Variants in ADGRV1 observed in about 807,000 individuals in gnomAD.
The protein encoded by ADGRV1 is adhesion G protein-coupled receptor V1, also known as G-protein coupled receptor 98.
ADGRV1 carries 359 observed loss-of-function variants against 596.2 expected under a neutral mutation model. The observed-to-expected ratio is 0.60, with a 90% confidence interval of 0.55 to 0.66. The LOEUF (loss-of-function observed/expected upper bound fraction) is 0.66, where lower values mean the gene tolerates loss of function less well. Among genes scored for constraint, ADGRV1 ranks in the 30% least tolerant of loss-of-function variants. The pLI, the probability that ADGRV1 is intolerant of heterozygous loss-of-function variation, is 0.00. For synonymous variants in ADGRV1, 2,681 were observed against 2,679.2 expected, an observed-to-expected ratio of 1.00 and a Z score of -0.02; for missense variants, 7,274 against 7,575.6, an observed-to-expected ratio of 0.96 and a Z score of 1.48.
intron 83 of ADGRV1, among the ~76,000 whole-genome samples, chr5:90,943,438 G>A (rs563467853): frequency 1.3e-5 from 2 of 152,160 alleles, no homozygotes; most frequent in South Asian, 4.1e-4. Context: ...GGCACAAGCT[G>A]TGTTCCCTGA....
intron 87 of ADGRV1, among the ~76,000 whole-genome samples, chr5:91,147,964 G>A (rs566867938): frequency 6.6e-6 from 1 of 152,310 alleles, no homozygotes; most frequent in South Asian, 2.1e-4. Flanking sequence ...CAAGGAACTT[G>A]TTGGGAACTG....
intron 68 of ADGRV1, among the ~76,000 whole-genome samples, chr5:90,789,057 A>G (rs1293182194): frequency 6.6e-6 from 1 of 152,170 alleles, no homozygotes; most frequent in Non-Finnish European, 1.5e-5. Context: ...TCAGTAAGCT[A>G]AAAACTCAAG....
chr5:90,924,348 T>C (rs1439287917), intron 83 of ADGRV1, among the ~76,000 whole-genome samples: 4 of 151,968 alleles, frequency 2.6e-5, no homozygotes, highest in Non-Finnish European at 4.4e-5. Context: ...TGGTATCTCA[T>C]TGTGGTTTTG....
At chr5:90,593,422 C>T (rs940271807) in intron 1 of ADGRV1, among the ~76,000 whole-genome samples, 4 of 142,094 alleles carry the variant, frequency 2.8e-5, no homozygotes, top group Admixed American at 1.4e-4. Flanking sequence ...GGACACAGGG[C>T]GGGGAACATC....
intron 59 of ADGRV1, among the ~76,000 whole-genome samples, chr5:90,763,839 G>C (rs572672101): frequency 1.2e-3 from 188 of 152,254 alleles, no homozygotes; most frequent in African/African-American, 4.5e-3. Context: ...CATCTATGTT[G>C]CTTCAAAGGA....
chr5:90,681,899 G>T (rs560273404), intron 27 of ADGRV1, among the ~76,000 whole-genome samples: 1 of 139,658 alleles, frequency 7.2e-6, no homozygotes, highest in East Asian at 2.1e-4. Flanking sequence ...ACGGAGTTTC[G>T]CTCTTGTTGC....
chr5:90,734,884 C>T (rs964143981), intron 50 of ADGRV1, among the ~76,000 whole-genome samples: 2 of 152,110 alleles, frequency 1.3e-5, no homozygotes, highest in African/African-American at 4.8e-5. Flanking sequence ...TGGGTTGTTT[C>T]CTTGCTATTG....
intron 29 of ADGRV1, among the ~76,000 whole-genome samples, 172 bp downstream of exon 29, chr5:90,686,167 G>A (rs529384741): frequency 1.3e-5 from 2 of 149,712 alleles, no homozygotes; most frequent in African/African-American, 4.9e-5. Flanking sequence ...TTTTTTGGGG[G>A]GGGGGATGGA....
At chr5:90,595,523 G>A (rs1219306373) in intron 1 of ADGRV1, among the ~76,000 whole-genome samples, 8 of 116,664 alleles carry the variant, frequency 6.9e-5, no homozygotes, top group African/African-American at 2.6e-4. Flanking sequence ...GGGCAGAGGC[G>A]CCCCTCACCT....
intron 85 of ADGRV1, among the ~76,000 whole-genome samples, chr5:91,030,076 A>G (rs1784347891): frequency 6.6e-6 from 1 of 152,142 alleles, no homozygotes. Flanking sequence ...TACTAAAATT[A>G]CTATTCACAT....
At chr5:91,045,085 A>G (rs546149690) in intron 85 of ADGRV1, among the ~76,000 whole-genome samples, 15 of 152,138 alleles carry the variant, frequency 9.9e-5, no homozygotes, top group African/African-American at 1.4e-4. Context: ...AAAGATAAAA[A>G]TGAGCAAATT....
chr5:90,862,400 A>C (rs1016377099), intron 82 of ADGRV1, among the ~76,000 whole-genome samples: 1 of 152,130 alleles, frequency 6.6e-6, no homozygotes, highest in Non-Finnish European at 1.5e-5. Context: ...GCACACATAC[A>C]TGCACAGGCA....
Position 90,675,318 on chromosome 5 carries a change from A to C in ADGRV1, c.5186A>C (p.His1729Pro), listed in dbSNP as rs375786151. Residue 1729 changes from histidine (H) to proline (P), a missense_variant, in exon 24 of 90, where the codon CAT becomes CCT. Around this residue, in one of 5 missense-constraint regions of ADGRV1, gnomAD observed 3,643 missense variants for 3,809.2 expected, o/e 0.96. Transcript: ENST00000405460. ...AMTLPASSVP[H>P]ITVEEEDGEI... Reference sequence around the variant, plus strand: ...ACCCTGCCTGCAAGCAGCGTTCCACATATCACTGTGGAGGAGGAAGATGGA... The same window carrying C: ...ACCCTGCCTGCAAGCAGCGTTCCACCTATCACTGTGGAGGAGGAAGATGGA... 9 of 1,613,776 alleles carry C rather than the reference A, an allele frequency of 5.6e-6. No homozygotes were observed. The Admixed American group carries it at 1.5e-4, about 27-fold the overall frequency.
chr5:90,989,898 C>T (rs1780824310), intron 85 of ADGRV1, among the ~76,000 whole-genome samples: 1 of 152,158 alleles, frequency 6.6e-6, no homozygotes, highest in Non-Finnish European at 1.5e-5. Context: ...CTCACTGCAA[C>T]CTCCGCCTCC....
rs545337176 is a variant in ADGRV1 at position 90,585,192 on chromosome 5, A to G, written c.22+26275A>G. 2.0e-5 allele frequency among the ~76,000 whole-genome samples: 3 copies of G among 152,352 alleles called. No homozygotes were observed. In the East Asian group the frequency reaches 5.8e-4, roughly 29 times the overall value. ...TTCAAAGAATATAACAAAATGAGTT[A>G]TATAACTTTTGAATTCTCTCACTTA... On this transcript the variant is annotated intron_variant, in intron 1 of 89. Coordinates refer to ENST00000405460, the MANE Select transcript of ADGRV1 (RefSeq NM_032119.4).
chr5:90,994,036 T>G (rs1781200001), intron 85 of ADGRV1, among the ~76,000 whole-genome samples: 1 of 151,884 alleles, frequency 6.6e-6, no homozygotes, highest in African/African-American at 2.4e-5. Flanking sequence ...GAAATCTTCA[T>G]TTTGGGTATT....
At chr5:90,574,874 TAG>T (rs1757000131) in intron 1 of ADGRV1, among the ~76,000 whole-genome samples, 1 of 152,188 alleles carries the variant, frequency 6.6e-6, no homozygotes, top group South Asian at 2.1e-4. Context: ...TTTGAGTGCA[TAG>T]AGTTGTTCAT....
chr5:91,083,372 C>T (rs976021585), intron 86 of ADGRV1, among the ~76,000 whole-genome samples: 1 of 151,852 alleles, frequency 6.6e-6, no homozygotes, highest in Non-Finnish European at 1.5e-5. Context: ...GCACATGTAC[C>T]CTAGAACTTA....
At position 90,763,449 on chromosome 5, in the gene ADGRV1, G is replaced by A; in HGVS notation, c.12265G>A (p.Gly4089Arg). The change falls in exon 59 of 90, where the codon GGG becomes AGG. Residue 4089 changes from glycine to arginine, a missense_variant. Physicochemically the swap from Gly to Arg is moderately radical, Grantham distance 125. This residue lies in a region of ADGRV1 where 3,643 missense variants were observed against 3,809.2 expected (regional missense o/e 0.96). Transcript: ENST00000405460. ...KAKHNLSPLN[G>R]TLHFDETESQ... Reference sequence around the variant, plus strand: ...TAAACATAACCTTAGTCCTTTGAATGGGACCCTTCATTTTGATGAGGTATA... The same window carrying A: ...TAAACATAACCTTAGTCCTTTGAATAGGACCCTTCATTTTGATGAGGTATA... The A allele has an allele frequency of 6.2e-7, 1 of 1,612,608 alleles. No individual in the cohort carries two copies. The highest frequency in any genetic ancestry group is 1.1e-5 in the South Asian group (1 of 90,976).
Sources: allele counts gnomAD v4.1 joint callset (sites outside exome capture counted in the v4.1 genomes callset), GRCh38; gene constraint gnomAD v4.1.1; regional missense constraint gnomAD v4.1.1; transcripts MANE v1.5; gene names NCBI Gene and HGNC (gene_info 2026-07-23, HGNC 2026-07-21).